Variants in DPP6 observed in about 807,000 individuals in gnomAD.
DPP6 encodes A-type potassium channel modulatory protein DPP6.
A neutral mutation model predicts 122.6 loss-of-function variants in DPP6; 69 were observed. That is an observed-to-expected ratio of 0.56 (90% CI 0.46 to 0.69). DPP6 has a LOEUF of 0.69. DPP6 is among the 30% of genes least tolerant of loss of function. The pLI is 0.00. For missense variants in DPP6, 928 were observed against 1,116.9 expected, an observed-to-expected ratio of 0.83 and a Z score of 2.41; for synonymous variants, 418 against 433.1, an observed-to-expected ratio of 0.97 and a Z score of 0.43.
intron 1 of DPP6, among the ~76,000 whole-genome samples, chr7:154,005,617 G>A (rs538724416): frequency 6.7e-6 from 1 of 150,290 alleles, no homozygotes; most frequent in Non-Finnish European, 1.5e-5. Flanking sequence ...CAGGGAGCTG[G>A]CCCAGAGGCA....
At chr7:154,238,430 A>G (rs1168922574) in intron 1 of DPP6, among the ~76,000 whole-genome samples, 3 of 152,214 alleles carry the variant, frequency 2.0e-5, no homozygotes, top group Non-Finnish European at 4.4e-5. Flanking sequence ...CGAGGACAAT[A>G]TGAGGTGATA....
intron 12 of DPP6, among the ~76,000 whole-genome samples, chr7:154,800,769 G>A (rs1798312699): frequency 6.6e-6 from 1 of 152,210 alleles, no homozygotes; most frequent in Non-Finnish European, 1.5e-5. Flanking sequence ...AGAACCCGTG[G>A]CATTTGTCCT....
At chr7:153,973,255 C>T (rs879616042) in intron 1 of DPP6, among the ~76,000 whole-genome samples, 5 of 152,154 alleles carry the variant, frequency 3.3e-5, no homozygotes, top group Non-Finnish European at 7.3e-5. Flanking sequence ...TTTTCTTCCT[C>T]TCTGAAATAA....
chr7:153,851,799 T>C, the DPP6 span, among the ~76,000 whole-genome samples: 1 of 152,194 alleles, frequency 6.6e-6, no homozygotes, highest in Non-Finnish European at 1.5e-5. Flanking sequence ...AGATCTATCT[T>C]CTATGTTTTT....
chr7:154,400,990 C>G (rs767731800), intron 1 of DPP6, among the ~76,000 whole-genome samples: 2 of 152,108 alleles, frequency 1.3e-5, no homozygotes, highest in Non-Finnish European at 1.5e-5. Context: ...ATCACGAGGT[C>G]AGGAGCTTGA....
At chr7:154,878,691 A>T in intron 20 of DPP6, among the ~76,000 whole-genome samples, 1 of 152,288 alleles carries the variant, frequency 6.6e-6, no homozygotes, top group South Asian at 2.1e-4. Flanking sequence ...TGAGCTGTGG[A>T]AGGGAGCTCG....
chr7:154,354,974 C>T (rs1811157201), intron 1 of DPP6, among the ~76,000 whole-genome samples: 1 of 152,320 alleles, frequency 6.6e-6, no homozygotes, highest in South Asian at 2.1e-4. Flanking sequence ...CAGCAGTGAA[C>T]CAGAATGTCA....
chr7:154,713,898 G>A (rs182478552), intron 7 of DPP6, among the ~76,000 whole-genome samples: 10 of 152,086 alleles, frequency 6.6e-5, no homozygotes, highest in African/African-American at 9.7e-5. Context: ...CTTTTCTATC[G>A]CATCATCAGA....
chr7:154,368,520 G>T (rs951447800), intron 1 of DPP6, among the ~76,000 whole-genome samples: 1 of 152,164 alleles, frequency 6.6e-6, no homozygotes. Context: ...ATTTTGCCAC[G>T]AAACATCTCA....
intron 17 of DPP6, among the ~76,000 whole-genome samples, chr7:154,859,748 T>C (rs1216478395): frequency 1.3e-5 from 2 of 152,122 alleles, no homozygotes; most frequent in East Asian, 3.8e-4. Flanking sequence ...ACAACTTAGG[T>C]ACTGGGATAA....
intron 21 of DPP6, among the ~76,000 whole-genome samples, chr7:154,882,723 A>C (rs747139947): frequency 1.3e-5 from 2 of 151,676 alleles, no homozygotes; most frequent in Non-Finnish European, 2.9e-5. Context: ...AAACCAGAGC[A>C]GGCCGCGTGG....
Position 154,052,691 on chromosome 7 carries a change from T to C in DPP6, c.-130T>C, listed in dbSNP as rs1260930083. On this transcript the variant is annotated 5_prime_UTR_variant, in exon 1 of 26. Coordinates refer to ENST00000377770, the MANE Select transcript of DPP6 (RefSeq NM_130797.4). The surrounding 1 kb of genome is among the most constrained non-coding windows in gnomAD (Gnocchi z 4.8). The stretch of plus-strand genomic sequence containing the variant: ...GCCGCCGGCGCTGGGCTTGCCTTGC[T>C]GCTGCTGCTGCTGCTGCCTCCCCAC... 2.2e-5 allele frequency: 23 copies of C among 1,051,512 alleles called. No individual in the cohort carries two copies. The highest frequency in any genetic ancestry group is 7.0e-5 in the African/African-American group (2 of 28,460). 65.1% of individuals were successfully genotyped at this position (1,051,512 alleles called of 1,614,324 possible). A position where few individuals can be genotyped will look rare whatever the true frequency, so the allele number is the denominator to read the frequency against.
chr7:154,594,925 G>C (rs755819535), intron 5 of DPP6, among the ~76,000 whole-genome samples: 1 of 152,160 alleles, frequency 6.6e-6, no homozygotes, highest in Non-Finnish European at 1.5e-5. Context: ...CTGGCTCCCA[G>C]ACCCAGGCCA....
At chr7:153,806,008 A>C in the DPP6 span, among the ~76,000 whole-genome samples, 3 of 152,002 alleles carry the variant, frequency 2.0e-5, no homozygotes, top group African/African-American at 7.3e-5. Flanking sequence ...TAATAAAAAA[A>C]AATACATATA....
At chr7:154,517,806 A>G (rs939912747) in intron 3 of DPP6, among the ~76,000 whole-genome samples, 1 of 152,232 alleles carries the variant, frequency 6.6e-6, no homozygotes, top group African/African-American at 2.4e-5. Context: ...AAATGAAACC[A>G]ACAGAACTTG....
At position 154,833,971 on chromosome 7, in the gene DPP6, AGGAC is replaced by A. The variant is rs943555523; in HGVS notation, c.1667-19807_1667-19804del. On this transcript the variant is annotated intron_variant, in intron 16 of 25. Transcript: ENST00000377770. The surrounding 1 kb of genome is among the most constrained non-coding windows in gnomAD (Gnocchi z 4.3). The stretch of plus-strand genomic sequence containing the variant: ...GCTCATCTTCACGCAGACAAGAATA[AGGAC>A]GCCTGTCCTCTGAGTACTCACTGCC... 1.3e-5 allele frequency among the ~76,000 whole-genome samples: 2 copies of A among 152,154 alleles called. No individual in the cohort carries two copies. The highest frequency in any genetic ancestry group is 2.9e-5 in the Non-Finnish European group (2 of 68,026).
At chr7:153,914,092 C>G (rs1156527688) in intron 1 of DPP6, among the ~76,000 whole-genome samples, 2 of 152,020 alleles carry the variant, frequency 1.3e-5, no homozygotes, top group Non-Finnish European at 2.9e-5. Context: ...TGGGAGGGAC[C>G]TGGCAGGAGG....
chr7:154,342,198 C>A (rs1050728615), intron 1 of DPP6, among the ~76,000 whole-genome samples: 19 of 152,130 alleles, frequency 1.2e-4, no homozygotes, highest in Non-Finnish European at 2.6e-4. Flanking sequence ...AATGATTAGC[C>A]AGCAGGGTCT....
At chr7:153,944,247 T>G (rs58068307) in intron 1 of DPP6, among the ~76,000 whole-genome samples, 2,937 of 152,324 alleles carry the variant, frequency 0.019, 91 homozygotes, top group African/African-American at 0.067. Flanking sequence ...TAATGGGTGT[T>G]TGCATGGGTG....
Sources: allele counts gnomAD v4.1 joint callset (sites outside exome capture counted in the v4.1 genomes callset), GRCh38; gene constraint gnomAD v4.1.1; non-coding constraint Gnocchi (gnomAD v3.1); transcripts MANE v1.5; gene names NCBI Gene and HGNC (gene_info 2026-07-23, HGNC 2026-07-21).